The following ISLR2 variants were observed in gnomAD, a reference collection of about 807,000 sequenced individuals.
ISLR2 encodes the protein immunoglobulin superfamily containing leucine rich repeat 2, also known as immunoglobulin superfamily containing leucine-rich repeat protein 2.
ISLR2 carries 16 observed loss-of-function variants against 25.5 expected under a neutral mutation model. That is an observed-to-expected ratio of 0.63 (90% CI 0.43 to 0.95). ISLR2 has a LOEUF of 0.95. ISLR2 is among the 40% of genes least tolerant of loss of function. The pLI, the probability that ISLR2 is intolerant of heterozygous loss-of-function variation, is 0.00. For synonymous variants in ISLR2, 508 were observed against 486.6 expected (o/e 1.04, Z -0.58); for missense variants, 883 against 1,030.7 (o/e 0.86, Z 1.96).
chr15:74,105,934 C>T (rs553721075), intron 2 of ISLR2, among the ~76,000 whole-genome samples: 19 of 152,134 alleles, frequency 1.2e-4, no homozygotes, highest in African/African-American at 4.1e-4. Context: ...GAGAGGAGGC[C>T]GTCAGAACAA....
Position 74,133,355 on chromosome 15 carries a change from G to A in ISLR2, c.601G>A (p.Val201Met), listed in dbSNP as rs1035670710. The stretch of plus-strand genomic sequence containing the variant: ...GCAGGCCTGGGCCGCGAGCACCCGG[G>A]TGTCCTTACCCGAGCCCGACTCCAT... ...WLQAWAASTRVSLPEPDSIAC... is the reference protein window; with the variant it reads ...WLQAWAASTRMSLPEPDSIAC... The change falls in exon 3 of 3, where the codon GTG (valine) becomes ATG (methionine). Residue 201 changes from valine (V) to methionine (M), a missense_variant. Val to Met is a conservative substitution (Grantham distance 21, BLOSUM62 1). This residue lies in a region of ISLR2 where 271 missense variants were observed against 387.9 expected (regional missense o/e 0.70). Transcript: ENST00000453268. 1 of 1,608,442 alleles carries A rather than the reference G, an allele frequency of 6.2e-7. No homozygotes were observed.
rs930765004 is a variant in ISLR2, at chr15:74,134,295, G to C, written c.1541G>C (p.Gly514Ala). ...PLAARWGPGP[G>A]GAGGAPRPGR... is the part of the protein sequence containing the mutation. ...GCTGCGCGCTGGGGCCCTGGGCCCG[G>C]CGGGGCTGGCGGAGCCCCGCGACCC... The change falls in exon 3 of 3, where the codon GGC becomes GCC. Residue 514 changes from glycine to alanine, a missense_variant. Coordinates refer to ENST00000453268, the MANE Select transcript of ISLR2 (RefSeq NM_020851.3). 3 of 1,526,944 alleles carry C rather than the reference G, an allele frequency of 2.0e-6. No individual in the cohort carries two copies. Among genetic ancestry groups the C allele is most frequent in the Non-Finnish European group, 2.6e-6 (3 of 1,139,494 alleles). 94.6% of individuals were successfully genotyped at this position (1,526,944 alleles called of 1,614,324 possible). A position where few individuals can be genotyped will look rare whatever the true frequency, so the allele number is the denominator to read the frequency against.
chr15:74,111,011 G>C (rs147797906), intron 2 of ISLR2, among the ~76,000 whole-genome samples: 1 of 151,424 alleles, frequency 6.6e-6, no homozygotes, highest in Non-Finnish European at 1.5e-5. Flanking sequence ...GTGTTGGTGG[G>C]TGCCTATAAT....
downstream of ISLR2, chr15:74,138,436 T>C (rs1241754056): frequency 6.6e-6 from 1 of 152,550 alleles, no homozygotes; most frequent in African/African-American, 2.4e-5. Context: ...CACCTAATAC[T>C]GGTGTGAGGC....
intron 2 of ISLR2, among the ~76,000 whole-genome samples, chr15:74,112,836 T>TTC (rs1242018304): frequency 2.0e-5 from 3 of 150,430 alleles, no homozygotes; most frequent in Non-Finnish European, 4.4e-5. Flanking sequence ...CCCTTTTTTT[T>TTC]TTTTTTTTTG....
At chr15:74,138,412 T>C (rs1343875804), downstream of ISLR2, 1 of 152,230 alleles carries the variant, frequency 6.6e-6, no homozygotes, top group Non-Finnish European at 1.5e-5. Context: ...CGCTCTGTTC[T>C]GTACACAAAG....
At chr15:74,130,013 C>CTG (rs2072370894), upstream of ISLR2, 1 of 152,324 alleles carries the variant, frequency 6.6e-6, no homozygotes, top group Admixed American at 6.5e-5. Context: ...CCTGCTCCAC[C>CTG]TGTCCCGCGG....
intron 2 of ISLR2, among the ~76,000 whole-genome samples, chr15:74,113,703 C>G (rs1320303676): frequency 6.6e-6 from 1 of 152,156 alleles, no homozygotes; most frequent in African/African-American, 2.4e-5. Flanking sequence ...TGCTCTTATT[C>G]CTAGAGAATC....
Position 74,134,051 on chromosome 15 carries a change from A to C in ISLR2, c.1297A>C (p.Thr433Pro), listed in dbSNP as rs757366868. 1.2e-6 allele frequency: 2 copies of C among 1,613,716 alleles called. No homozygotes were observed. The highest frequency in any genetic ancestry group is 1.1e-5 in the South Asian group (1 of 90,990). ...AKVSILGETETEPEEDTSEGE... is the reference protein window; with the variant it reads ...AKVSILGETEPEPEEDTSEGE... ...GGTCAGCATTCTCGGGGAGACCGAG[A>C]CGGAGCCGGAGGAGGACACAAGTGA... Residue 433 changes from threonine to proline, a missense_variant, in exon 3 of 3, where the codon ACG (threonine) becomes CCG (proline). By Grantham distance (38) the Thr-to-Pro change is conservative (BLOSUM62 -1). Transcript: ENST00000453268.
chr15:74,139,805 T>G (rs1455559213), downstream of ISLR2, among the ~76,000 whole-genome samples: 1 of 152,008 alleles, frequency 6.6e-6, no homozygotes, highest in Non-Finnish European at 1.5e-5. Flanking sequence ...CTCTCCAGTG[T>G]GTCTTGCTGT....
At chr15:74,107,318 C>T (rs1002221491) in intron 2 of ISLR2, among the ~76,000 whole-genome samples, 1 of 152,224 alleles carries the variant, frequency 6.6e-6, no homozygotes, top group Non-Finnish European at 1.5e-5. Context: ...CATAAGACTG[C>T]CCCATTGTCC....
chr15:74,135,349 T>TG lies in ISLR2; in HGVS notation c.*359dup, dbSNP rs2072547117. 1 of 259,192 alleles carries TG rather than the reference T, an allele frequency of 3.9e-6. No homozygotes were observed. Among genetic ancestry groups the TG allele is most frequent in the African/African-American group, 2.2e-5 (1 of 45,928 alleles). The allele number at this position is 259,192 out of a possible 1,614,324, so 16.1% of individuals were successfully genotyped here. A position where few individuals can be genotyped will look rare whatever the true frequency, so the allele number is the denominator to read the frequency against. ...CCGCAGCCCGCCCCACCGTGGGCTCTGGAGCCAGAGGAAACGAGCGAAGAC... is the reference window on the plus strand; with the variant it reads ...CCGCAGCCCGCCCCACCGTGGGCTCTGGGAGCCAGAGGAAACGAGCGAAGAC... On this transcript the variant is annotated 3_prime_UTR_variant, in exon 3 of 3. Transcript: ENST00000453268.
chr15:74,122,604 T>C (rs1021015989), intron 2 of ISLR2, among the ~76,000 whole-genome samples: 10 of 152,252 alleles, frequency 6.6e-5, no homozygotes, highest in Non-Finnish European at 1.0e-4. Context: ...TGGTTGTTTT[T>C]CGCTTGGGCA....
chr15:74,107,697 G>C (rs532286995), intron 2 of ISLR2, among the ~76,000 whole-genome samples: 5 of 152,288 alleles, frequency 3.3e-5, no homozygotes, highest in Non-Finnish European at 5.9e-5. Context: ...AACCCTCCAC[G>C]TCCTTGGGAA....
Position 74,136,083 on chromosome 15 carries a change from G to A in ISLR2, c.*1091G>A, listed in dbSNP as rs1429218918. ...AATCGAGTGTGTGTGTCGGGGGGTA[G>A]GGAGGGAATGCGTTTTCTGTCGTCT... On this transcript the variant is annotated 3_prime_UTR_variant, in exon 3 of 3. Transcript: ENST00000453268. The A allele has an allele frequency of 6.0e-6, 1 of 166,738 alleles. No individual in the cohort carries two copies. The highest frequency in any genetic ancestry group is 2.4e-5 in the African/African-American group (1 of 41,490). 10.3% of individuals were successfully genotyped at this position (166,738 alleles called of 1,614,324 possible).
At chr15:74,131,642 C>T (rs1484674339) in intron 2 of ISLR2, among the ~76,000 whole-genome samples, 2 of 152,184 alleles carry the variant, frequency 1.3e-5, no homozygotes, top group Non-Finnish European at 2.9e-5. Flanking sequence ...AATCTTTCAT[C>T]TTCTCCAGCT....
intron 2 of ISLR2, among the ~76,000 whole-genome samples, chr15:74,119,115 C>G (rs1291642925): frequency 6.6e-6 from 1 of 152,112 alleles, no homozygotes; most frequent in African/African-American, 2.4e-5. Context: ...ATTGAAAATC[C>G]ACTCTTCTAG....
In ISLR2 at chr15:74,133,814, A is replaced by T. The variant is rs778970662; in HGVS notation, c.1060A>T (p.Thr354Ser). 2.5e-6 allele frequency: 4 copies of T among 1,613,770 alleles called. No homozygotes were observed. The East Asian group carries it at 8.9e-5, about 36-fold the overall frequency. ...GAGTGCCAAGGAGGCGGGCGTCTAC[A>T]CTTGCCGTGCACACAATGAGCTGGG... ...LLSAKEAGVY[T>S]CRAHNELGAN... Residue 354 changes from threonine (T) to serine (S), a missense_variant, in exon 3 of 3, where the codon ACT becomes TCT. By Grantham distance (58) the Thr-to-Ser change is moderately conservative. Coordinates refer to ENST00000453268, the MANE Select transcript of ISLR2 (RefSeq NM_020851.3).
intron 2 of ISLR2, among the ~76,000 whole-genome samples, chr15:74,117,882 T>G (rs1463873499): frequency 2.2e-4 from 34 of 152,148 alleles, no homozygotes; most frequent in Non-Finnish European, 4.4e-5. Flanking sequence ...CATCCACTGT[T>G]CTCACCTTCC....
Sources: allele counts gnomAD v4.1 joint callset (sites outside exome capture counted in the v4.1 genomes callset), GRCh38; gene constraint gnomAD v4.1.1; regional missense constraint gnomAD v4.1.1; transcripts MANE v1.5; gene names NCBI Gene and HGNC (gene_info 2026-07-23, HGNC 2026-07-21).